SHISA9: variants seen among roughly 807,000 people sequenced by gnomAD.
SHISA9 encodes protein shisa-9.
Under a neutral mutation model 38.0 loss-of-function variants are expected in SHISA9, and 13 were observed. The ratio of observed to expected loss-of-function variants is 0.34; its 90% CI spans 0.22 to 0.54. The LOEUF (loss-of-function observed/expected upper bound fraction) is 0.54. SHISA9 is among the 20% of genes least tolerant of loss of function. The pLI, the probability that SHISA9 is intolerant of heterozygous loss-of-function variation, is 0.91. For synonymous variants in SHISA9, 275 were observed against 242.0 expected (o/e 1.14, Z -1.27); for missense variants, 538 against 575.8 (o/e 0.93, Z 0.67).
At position 13,015,782 on chromosome 16, in the gene SHISA9, CA is replaced by C. The variant is rs1442627304; in HGVS notation, c.691+98970del. ...CCCTTGAAATCTGGCGTCAATTTCA[CA>C]AAGAGAAATTTCTTTCTTTCTTTAA... On this transcript the variant is annotated intron_variant, in intron 2 of 4. Coordinates refer to ENST00000558583, the MANE Select transcript of SHISA9 (RefSeq NM_001145204.3). Among the ~76,000 whole-genome samples the C allele has an allele frequency of 1.1e-4, 17 of 151,996 alleles. No individual in the cohort carries two copies. The East Asian group carries it at 3.3e-3, about 30-fold the overall frequency.
intron 2 of SHISA9, among the ~76,000 whole-genome samples, chr16:12,984,432 T>C (rs2072280882): frequency 1.3e-5 from 2 of 152,206 alleles, no homozygotes; most frequent in African/African-American, 4.8e-5. Context: ...TATTTACTGA[T>C]ATTGTGTGAA....
At chr16:12,978,480 T>G (rs2072195668) in intron 2 of SHISA9, among the ~76,000 whole-genome samples, 2 of 152,232 alleles carry the variant, frequency 1.3e-5, no homozygotes, top group Admixed American at 6.5e-5. Context: ...TTTGAAATAT[T>G]AGGCAGTGAG....
chr16:13,533,892 T>G, the SHISA9 span, among the ~76,000 whole-genome samples: 8 of 151,056 alleles, frequency 5.3e-5, no homozygotes, highest in African/African-American at 1.9e-4. Context: ...CACACCATTC[T>G]CCTGCCTCAG....
the SHISA9 span, among the ~76,000 whole-genome samples, chr16:13,391,399 C>A: frequency 1.3e-5 from 2 of 151,986 alleles, no homozygotes; most frequent in Admixed American, 1.3e-4. Flanking sequence ...TGAAAAAAGG[C>A]TAAAGAAAGG....
At chr16:13,046,079 G>A (rs1478029092) in intron 2 of SHISA9, among the ~76,000 whole-genome samples, 1 of 152,178 alleles carries the variant, frequency 6.6e-6, no homozygotes, top group African/African-American at 2.4e-5. Flanking sequence ...AGGGTCTGTG[G>A]TTTGGAGGTG....
chr16:12,908,807 G>A (rs2071141307), intron 1 of SHISA9: 3 of 1,338,976 alleles, frequency 2.2e-6, no homozygotes, highest in East Asian at 3.1e-5. Context: ...ATGACCTTGG[G>A]GACAGAAGCA....
At chr16:13,241,477 G>A (rs1283268412), downstream of SHISA9, among the ~76,000 whole-genome samples, 1 of 152,268 alleles carries the variant, frequency 6.6e-6, no homozygotes, top group Non-Finnish European at 1.5e-5. Flanking sequence ...TTGCATTCCA[G>A]CCTGGGCAAC....
At chr16:13,352,923 T>C in the SHISA9 span, among the ~76,000 whole-genome samples, 1 of 152,062 alleles carries the variant, frequency 6.6e-6, no homozygotes, top group African/African-American at 2.4e-5. Flanking sequence ...TGTCATCAGT[T>C]AAGGTGGGGC....
chr16:13,295,917 A>G, the SHISA9 span, among the ~76,000 whole-genome samples: 1 of 152,224 alleles, frequency 6.6e-6, no homozygotes, highest in Non-Finnish European at 1.5e-5. Flanking sequence ...TGAATTGCCC[A>G]AAGTCATAAG....
the SHISA9 span, among the ~76,000 whole-genome samples, chr16:13,252,614 C>A: frequency 2.6e-5 from 4 of 152,154 alleles, no homozygotes; most frequent in Non-Finnish European, 5.9e-5. Context: ...CTGAAGCTTG[C>A]GCTGCTCATG....
chr16:13,103,954 C>G (rs916872447), intron 2 of SHISA9, among the ~76,000 whole-genome samples: 1 of 152,146 alleles, frequency 6.6e-6, no homozygotes, highest in African/African-American at 2.4e-5. Flanking sequence ...AGCTCCAAAG[C>G]CATCCTGCTT....
At chr16:13,130,905 A>G (rs190251506) in intron 2 of SHISA9, among the ~76,000 whole-genome samples, 18 of 152,348 alleles carry the variant, frequency 1.2e-4, no homozygotes, top group Middle Eastern at 3.4e-3. Context: ...AATCGAAACC[A>G]CAGTGAGATA....
At chr16:13,352,492 C>A in the SHISA9 span, among the ~76,000 whole-genome samples, 1 of 152,052 alleles carries the variant, frequency 6.6e-6, no homozygotes, top group African/African-American at 2.4e-5. Flanking sequence ...CTATATCCAG[C>A]ACCTCCTTGT....
intron 2 of SHISA9, among the ~76,000 whole-genome samples, chr16:13,004,856 C>A (rs1007498445): frequency 1.3e-5 from 2 of 148,558 alleles, no homozygotes; most frequent in Admixed American, 6.8e-5. Flanking sequence ...CGCTTGAATG[C>A]GGGAGGCAGA....
At chr16:13,509,468 A>T in the SHISA9 span, among the ~76,000 whole-genome samples, 20,553 of 152,082 alleles carry the variant, frequency 0.14, 1,757 homozygotes, top group African/African-American at 0.24. Flanking sequence ...AATGGTGCTG[A>T]TAACAGTGCC....
chr16:13,471,989 G>C, the SHISA9 span, among the ~76,000 whole-genome samples: 1 of 152,170 alleles, frequency 6.6e-6, no homozygotes, highest in Admixed American at 6.5e-5. Flanking sequence ...AGCTCTACAT[G>C]GAAGTGTCTT....
chr16:13,219,652 G>T (rs1463875817), intron 4 of SHISA9, among the ~76,000 whole-genome samples: 4 of 152,170 alleles, frequency 2.6e-5, no homozygotes, highest in Non-Finnish European at 4.4e-5. Flanking sequence ...AATGCCTGGG[G>T]CATGGGGAAG....
intron 2 of SHISA9, among the ~76,000 whole-genome samples, chr16:13,011,176 C>A (rs548054605): frequency 1.3e-5 from 2 of 151,990 alleles, no homozygotes; most frequent in African/African-American, 4.8e-5. Context: ...GACAGTGAAC[C>A]TTTCTTTTAT....
At chr16:12,940,933 A>T (rs1469865601) in intron 2 of SHISA9, among the ~76,000 whole-genome samples, 1 of 152,258 alleles carries the variant, frequency 6.6e-6, no homozygotes, top group Non-Finnish European at 1.5e-5. Context: ...CAAAACAAGA[A>T]GAAACAAACA....
Sources: gnomAD v4.1 joint callset for allele counts (sites outside exome capture counted in the v4.1 genomes callset) on GRCh38, gnomAD v4.1.1 for gene constraint, MANE v1.5 for transcripts, NCBI Gene and HGNC (gene_info 2026-07-23, HGNC 2026-07-21) for gene names.